The following CCDC169 variants were observed in gnomAD, a reference collection of about 807,000 sequenced individuals.
CCDC169 encodes the protein coiled-coil domain-containing protein 169.
In CCDC169, 30 loss-of-function variants were observed where a neutral mutation model predicts 36.0. The ratio of observed to expected loss-of-function variants is 0.83; its 90% CI spans 0.62 to 1.13. The LOEUF (loss-of-function observed/expected upper bound fraction) is 1.13. Among genes scored for constraint, CCDC169 ranks in the 50% most tolerant of loss-of-function variants. CCDC169 has a pLI of 0.00. For synonymous variants in CCDC169, 85 were observed against 81.5 expected (o/e 1.04, Z -0.23); for missense variants, 245 against 245.9 (o/e 1.00, Z 0.03).
At chr13:36,227,329 A>G (rs1245032442), downstream of CCDC169, 3 of 1,551,048 alleles carry the variant, frequency 1.9e-6, no homozygotes, top group African/African-American at 2.7e-5. Context: ...CTGAAACCCA[A>G]TGTCTCCAAG....
intron 2 of CCDC169, 23 bp downstream of exon 2, chr13:36,295,755 A>G: frequency 1.6e-6 from 2 of 1,254,404 alleles, no homozygotes; most frequent in Admixed American, 2.2e-5. Context: ...AGGAGTCACA[A>G]ATATAAGTAT....
intron 6 of CCDC169, among the ~76,000 whole-genome samples, chr13:36,251,632 CTATTT>C (rs1301490126): frequency 6.6e-6 from 1 of 152,106 alleles, no homozygotes; most frequent in Non-Finnish European, 1.5e-5. Flanking sequence ...GCATACATTT[CTATTT>C]TATGTTCAGT....
intron 4 of CCDC169, chr13:36,282,265 A>T: frequency 3.2e-6 from 2 of 634,908 alleles, no homozygotes; most frequent in Non-Finnish European, 3.9e-6. Flanking sequence ...TTGTCAATTT[A>T]ACAGGAAGCC....
chr13:36,252,802 A>C (rs1336866050), intron 6 of CCDC169, among the ~76,000 whole-genome samples: 3 of 152,142 alleles, frequency 2.0e-5, no homozygotes, highest in Non-Finnish European at 4.4e-5. Context: ...CTCTTTGGAC[A>C]CTTCCATTTG....
At chr13:36,265,064 G>A (rs1182542626) in intron 4 of CCDC169, among the ~76,000 whole-genome samples, 2 of 152,230 alleles carry the variant, frequency 1.3e-5, no homozygotes, top group Non-Finnish European at 2.9e-5. Context: ...TTTCATAATG[G>A]ATTTGTCTAT....
At chr13:36,240,653 T>G in intron 7 of CCDC169, 1 of 1,283,390 alleles carries the variant, frequency 7.8e-7, no homozygotes, top group Non-Finnish European at 1.0e-6. Context: ...TTAGGGCTTT[T>G]AGTCACTTTA....
intron 4 of CCDC169, among the ~76,000 whole-genome samples, chr13:36,263,158 A>T (rs1300960576): frequency 1.3e-5 from 2 of 152,080 alleles, no homozygotes; most frequent in African/African-American, 4.8e-5. Context: ...TGTTGAATTT[A>T]CAATCAAGTT....
chr13:36,255,311 TG>T (rs1455448543), intron 4 of CCDC169, among the ~76,000 whole-genome samples: 1 of 151,892 alleles, frequency 6.6e-6, no homozygotes, highest in African/African-American at 2.4e-5. Context: ...TCAGATAGAG[TG>T]GGGAGGGTCA....
At chr13:36,251,175 A>C (rs1184037) in intron 6 of CCDC169, among the ~76,000 whole-genome samples, 65,378 of 152,028 alleles carry the variant, frequency 0.43, 14,930 homozygotes, top group African/African-American at 0.58. Context: ...AGTGAGACAA[A>C]GCTACAGAGA....
intron 4 of CCDC169, chr13:36,281,086 T>C (rs926041349): frequency 1.5e-5 from 5 of 341,090 alleles, no homozygotes; most frequent in East Asian, 8.8e-5. Flanking sequence ...CCTTCACCTA[T>C]GTCTTTTTTT....
At chr13:36,233,099 G>A (rs184428624) in intron 7 of CCDC169, among the ~76,000 whole-genome samples, 5 of 152,240 alleles carry the variant, frequency 3.3e-5, no homozygotes, top group African/African-American at 9.6e-5. Flanking sequence ...TTGCCTGGCC[G>A]ACTGTTGAAG....
In CCDC169 at chr13:36,258,943, AT is replaced by A. The variant is rs1484284953; in HGVS notation, c.316-4801del. Among the ~76,000 whole-genome samples the A allele has an allele frequency of 3.3e-5, 5 of 152,284 alleles. No individual in the cohort carries two copies. In the East Asian group the frequency reaches 9.7e-4, roughly 29 times the overall value. On this transcript the variant is annotated intron_variant, in intron 4 of 7. Coordinates refer to ENST00000239859, the MANE Select transcript of CCDC169 (RefSeq NM_001144981.3). ...ACATTACAGTGTGACTGGCCATGTC[AT>A]CTGTCACAGGTGTGAAAACAATCAA...
intron 7 of CCDC169, among the ~76,000 whole-genome samples, chr13:36,232,702 G>A (rs1254199055): frequency 7.9e-5 from 5 of 63,628 alleles, no homozygotes; most frequent in African/African-American, 2.1e-4. Flanking sequence ...GCGACAGAGC[G>A]AGACTCCGTC....
downstream of CCDC169, chr13:36,226,774 T>C (rs969234825): frequency 4.0e-5 from 8 of 200,208 alleles, no homozygotes; most frequent in Middle Eastern, 1.7e-3. Context: ...ACAGCAACAA[T>C]AGACACTGGG....
downstream of CCDC169, among the ~76,000 whole-genome samples, chr13:36,230,146 A>G (rs376585460): frequency 1.8e-4 from 27 of 152,358 alleles, 2 homozygotes; most frequent in East Asian, 3.7e-3. Flanking sequence ...TGCACTTGGT[A>G]TTCATTACTG....
At chr13:36,291,594 T>C (rs1878905756) in intron 2 of CCDC169, among the ~76,000 whole-genome samples, 1 of 152,198 alleles carries the variant, frequency 6.6e-6, no homozygotes. Context: ...CTAATCTTTA[T>C]AACTGTATCA....
rs1411875502 is a variant in CCDC169 at position 36,295,844 on chromosome 13, G to A, written c.97C>T (p.Leu33Phe). The A allele has an allele frequency of 1.3e-6, 2 of 1,532,524 alleles. No homozygotes were observed. Among genetic ancestry groups the A allele is most frequent in the Admixed American group, 2.0e-5 (1 of 50,086 alleles). The allele number at this position is 1,532,524 out of a possible 1,614,324, so 94.9% of individuals were successfully genotyped here. The change falls in exon 2 of 8, where the codon CTC becomes TTC. Residue 33 changes from leucine to phenylalanine, a missense_variant. Physicochemically the swap from Leu to Phe is conservative, Grantham distance 22 (BLOSUM62 0). Coordinates refer to ENST00000239859, the MANE Select transcript of CCDC169 (RefSeq NM_001144981.3). Reference protein sequence around the residue: ...EEVRKKDAVQLSIFELRHKIT... With the variant: ...EEVRKKDAVQFSIFELRHKIT... ...TTGTGTCTTAGTTCAAATATTGAGA[G>A]TTGCACTGCATCCCTGTTATTTAAA...
downstream of CCDC169, chr13:36,227,298 G>A (rs796513469): frequency 1.3e-6 from 2 of 1,551,298 alleles, no homozygotes; most frequent in Admixed American, 2.0e-5. Flanking sequence ...CCTATTCTCT[G>A]GTCCAGCCAC....
intron 2 of CCDC169, among the ~76,000 whole-genome samples, chr13:36,290,028 A>G (rs1039896837): frequency 3.3e-5 from 5 of 152,200 alleles, no homozygotes; most frequent in African/African-American, 1.2e-4. Flanking sequence ...CCCCTTAAAA[A>G]AAAGGTCCTT....
Sources: gnomAD v4.1 joint callset for allele counts (sites outside exome capture counted in the v4.1 genomes callset) on GRCh38, gnomAD v4.1.1 for gene constraint, MANE v1.5 for transcripts, NCBI Gene and HGNC (gene_info 2026-07-23, HGNC 2026-07-21) for gene names.